Variants in ME1 observed in about 807,000 individuals in gnomAD.
ME1 encodes NADP-dependent malic enzyme.
Under a neutral mutation model 66.4 loss-of-function variants are expected in ME1, and 74 were observed. The observed-to-expected ratio is 1.11, with a 90% confidence interval of 0.92 to 1.35. The LOEUF is 1.35. ME1 is among the 40% of genes most tolerant of loss of function. The probability of loss-of-function intolerance (pLI) is 0.00; values close to 1 mark genes in which losing one functional copy is unlikely to be tolerated. For synonymous variants in ME1, 251 were observed against 235.6 expected (o/e 1.07, Z -0.60); for missense variants, 750 against 694.1 (o/e 1.08, Z -0.90).
chr6:83,282,265 G>C (rs984172237), intron 6 of ME1, among the ~76,000 whole-genome samples: 4 of 152,186 alleles, frequency 2.6e-5, no homozygotes, highest in African/African-American at 7.2e-5. Context: ...TGACAAATGA[G>C]ATCTAATTAA....
intron 3 of ME1, among the ~76,000 whole-genome samples, chr6:83,365,586 G>A (rs1448547991): frequency 6.6e-6 from 1 of 152,206 alleles, no homozygotes; most frequent in South Asian, 2.1e-4. Context: ...TTGGCTGGGT[G>A]CAGTGGCATG....
At chr6:83,353,975 T>C (rs1290661987) in intron 3 of ME1, among the ~76,000 whole-genome samples, 2 of 152,180 alleles carry the variant, frequency 1.3e-5, no homozygotes, top group Non-Finnish European at 2.9e-5. Context: ...AGATACCACA[T>C]TTGCCTACGT....
At chr6:83,419,457 T>C (rs139170798) in intron 1 of ME1, among the ~76,000 whole-genome samples, 1 of 152,350 alleles carries the variant, frequency 6.6e-6, no homozygotes, top group East Asian at 1.9e-4. Flanking sequence ...ACTAAGGGCA[T>C]ATCTGATTCA....
intron 1 of ME1, among the ~76,000 whole-genome samples, chr6:83,410,321 T>G (rs559163311): frequency 6.6e-6 from 1 of 152,150 alleles, no homozygotes; most frequent in Non-Finnish European, 1.5e-5. Context: ...ATATTAAAAT[T>G]TATAAAATCT....
chr6:83,267,772 T>C (rs1235752003), intron 6 of ME1, among the ~76,000 whole-genome samples: 1 of 152,212 alleles, frequency 6.6e-6, no homozygotes, highest in African/African-American at 2.4e-5. Flanking sequence ...AATAAATCTC[T>C]CATATATTGT....
At chr6:83,367,530 C>T (rs1478053039) in intron 3 of ME1, among the ~76,000 whole-genome samples, 1 of 152,204 alleles carries the variant, frequency 6.6e-6, no homozygotes. Flanking sequence ...TTAGCTAGAT[C>T]TGGATAACTT....
intron 5 of ME1, among the ~76,000 whole-genome samples, chr6:83,333,039 T>C (rs1057084034): frequency 2.0e-5 from 3 of 152,196 alleles, no homozygotes; most frequent in Non-Finnish European, 4.4e-5. Context: ...GGCAAGTGTA[T>C]CTTTATGGCA....
intron 6 of ME1, among the ~76,000 whole-genome samples, chr6:83,288,505 T>A (rs530589018): frequency 6.6e-6 from 1 of 152,268 alleles, no homozygotes; most frequent in South Asian, 2.1e-4. Flanking sequence ...TTCTGTTCCA[T>A]TGGTCTATAT....
intron 9 of ME1, among the ~76,000 whole-genome samples, chr6:83,230,747 C>T (rs1191803976): frequency 2.6e-5 from 4 of 151,850 alleles, no homozygotes; most frequent in Admixed American, 6.6e-5. Context: ...CTGGTTAACA[C>T]GGTGAAACCC....
At chr6:83,246,532 A>G (rs760068000) in intron 7 of ME1, among the ~76,000 whole-genome samples, 26 of 152,136 alleles carry the variant, frequency 1.7e-4, no homozygotes, top group Non-Finnish European at 3.4e-4. Context: ...TCTTGTGAAT[A>G]CCTAACCATG....
intron 1 of ME1, among the ~76,000 whole-genome samples, chr6:83,416,208 T>C (rs968109284): frequency 2.6e-5 from 4 of 152,236 alleles, no homozygotes; most frequent in African/African-American, 9.6e-5. Flanking sequence ...TTCACTGGGT[T>C]GTTGGGAAGA....
intron 6 of ME1, among the ~76,000 whole-genome samples, chr6:83,260,049 G>T (rs1348030379): frequency 6.6e-6 from 1 of 151,960 alleles, no homozygotes; most frequent in Non-Finnish European, 1.5e-5. Flanking sequence ...TTTATACTAT[G>T]AATCTTTTTT....
At chr6:83,321,625 C>A (rs1262990670) in intron 5 of ME1, among the ~76,000 whole-genome samples, 9 of 152,198 alleles carry the variant, frequency 5.9e-5, no homozygotes, top group Admixed American at 2.6e-4. Flanking sequence ...GGCAGGGCAT[C>A]TCTGAAAGAA....
At chr6:83,309,698 T>A (rs1236198056) in intron 6 of ME1, among the ~76,000 whole-genome samples, 2 of 152,110 alleles carry the variant, frequency 1.3e-5, no homozygotes, top group Non-Finnish European at 2.9e-5. Context: ...TAAAGATGTA[T>A]GACTTGATGA....
chr6:83,380,615 G>A (rs181012516), intron 3 of ME1, among the ~76,000 whole-genome samples: 1 of 152,182 alleles, frequency 6.6e-6, no homozygotes, highest in Admixed American at 6.6e-5. Context: ...TATCTCTGAG[G>A]TGTTTGCTTT....
intron 3 of ME1, among the ~76,000 whole-genome samples, chr6:83,363,147 C>A (rs938799833): frequency 6.6e-6 from 1 of 152,178 alleles, no homozygotes; most frequent in African/African-American, 2.4e-5. Context: ...TCACCATCAT[C>A]TCTAGTGATC....
intron 6 of ME1, among the ~76,000 whole-genome samples, chr6:83,287,128 AT>A (rs1767410721): frequency 1.3e-5 from 2 of 152,144 alleles, no homozygotes; most frequent in Admixed American, 1.3e-4. Flanking sequence ...TATGGTAAAA[AT>A]ATGTAACATT....
rs905968616 is a variant in ME1 at position 83,425,451 on chromosome 6, T to C, written c.78+5426A>G. On this transcript the variant is annotated intron_variant, in intron 1 of 13. Transcript: ENST00000369705. ...ATGGCTGGGTAGGCCTCAGGAAACA[T>C]ACAATCATGGCGGGAGGGGAAACAA... Among the ~76,000 whole-genome samples the C allele has an allele frequency of 1.9e-4, 29 of 152,178 alleles. 1 individual carries two copies. The highest frequency in any genetic ancestry group is 6.0e-4 in the African/African-American group (25 of 41,526).
intron 2 of ME1, among the ~76,000 whole-genome samples, chr6:83,399,844 C>G (rs1404958959): frequency 1.3e-5 from 2 of 152,130 alleles, no homozygotes; most frequent in Non-Finnish European, 2.9e-5. Context: ...TGCATGGATT[C>G]CAATGTTTGG....
Sources: gnomAD v4.1 joint callset for allele counts (sites outside exome capture counted in the v4.1 genomes callset) on GRCh38, gnomAD v4.1.1 for gene constraint, MANE v1.5 for transcripts, NCBI Gene and HGNC (gene_info 2026-07-23, HGNC 2026-07-21) for gene names.